Variants in TRUB2 observed in about 807,000 individuals in gnomAD.
The protein encoded by TRUB2 is pseudouridylate synthase TRUB2, mitochondrial.
A neutral mutation model predicts 31.9 loss-of-function variants in TRUB2; 31 were observed. The ratio of observed to expected loss-of-function variants is 0.97; its 90% CI spans 0.73 to 1.31. The LOEUF (loss-of-function observed/expected upper bound fraction) is 1.31, where lower values mean the gene tolerates loss of function less well. Ranked by LOEUF, TRUB2 falls within the 50% of genes most tolerant of loss-of-function variation. TRUB2 has a pLI of 0.00. For synonymous variants in TRUB2, 201 were observed against 182.6 expected (o/e 1.10, Z -0.81); for missense variants, 451 against 439.6 (o/e 1.03, Z -0.23).
intron 5 of TRUB2, among the ~76,000 whole-genome samples, chr9:128,313,109 C>G (rs2131445667): frequency 6.6e-6 from 1 of 152,000 alleles, no homozygotes; most frequent in East Asian, 2.0e-4. Flanking sequence ...CTCAGCTACT[C>G]CGAAGGCTGA....
intron 3 of TRUB2, 29 bp from the exon 4 acceptor site, chr9:128,315,657 C>CCA (rs1269474430): frequency 1.2e-6 from 2 of 1,607,824 alleles, no homozygotes. Flanking sequence ...CATCTCACAC[C>CCA]TGGGACCCCC....
chr9:128,320,821 G>A (rs538644734), intron 2 of TRUB2, among the ~76,000 whole-genome samples: 13 of 150,154 alleles, frequency 8.7e-5, no homozygotes, highest in Middle Eastern at 3.6e-3. Flanking sequence ...ACGGAGTCTC[G>A]CTCTGTTGCC....
Position 128,317,198 on chromosome 9 carries a change from C to A in TRUB2, c.270G>T (p.Lys90Asn). 6.3e-7 allele frequency: 1 copy of A among 1,595,578 alleles called. No individual in the cohort carries two copies. Among genetic ancestry groups the A allele is most frequent in the Non-Finnish European group, 8.6e-7 (1 of 1,169,530 alleles). The change falls in exon 3 of 8, where the codon AAG (lysine) becomes AAT (asparagine). Residue 90 changes from lysine to asparagine, a missense_variant. Lys to Asn is a moderately conservative substitution (Grantham distance 94, BLOSUM62 0). Transcript: ENST00000372890. ...CATCCAACCGATGTCCCACGCCAACCTTGAGATGGGCGAATGCTGGTCCAC... is the reference window on the plus strand; with the variant it reads ...CATCCAACCGATGTCCCACGCCAACATTGAGATGGGCGAATGCTGGTCCAC... ...LVCGPAFAHL[K>N]VGVGHRLDAQ... is the part of the protein sequence containing the mutation.
Position 128,309,625 on chromosome 9 carries a change from G to A in TRUB2, c.921C>T (p.Leu307=), listed in dbSNP as rs1392755515. The A allele has an allele frequency of 1.9e-6, 3 of 1,614,108 alleles. No homozygotes were observed. Among genetic ancestry groups the A allele is most frequent in the Non-Finnish European group, 2.5e-6 (3 of 1,180,008 alleles). Residue 307 remains leucine (L), a synonymous_variant, in exon 8 of 8, where the codon CTC becomes CTT. Transcript: ENST00000372890. The part of the protein sequence containing the change: ...SLSPGLDTKQ[L]PSPGWSWDSQ... ...AGTCCCAGGACCATCCCGGACTGGG[G>A]AGCTGCTTGGTGTCCAGCCCCGGGC...
chr9:128,318,854 T>G (rs1183863110), intron 2 of TRUB2, among the ~76,000 whole-genome samples: 1 of 151,112 alleles, frequency 6.6e-6, no homozygotes, highest in Admixed American at 6.6e-5. Flanking sequence ...GGCCTATGAG[T>G]TAAGAATGGT....
In TRUB2 at chr9:128,315,830, A is replaced by C. The variant is rs1832059414; in HGVS notation, c.317-202T>G. 4 of 582,048 alleles carry C rather than the reference A, an allele frequency of 6.9e-6. No individual in the cohort carries two copies. The South Asian group carries it at 7.7e-5, about 11-fold the overall frequency. The allele number at this position is 582,048 out of a possible 1,614,324, so 36.1% of individuals were successfully genotyped here. On this transcript the variant is annotated intron_variant, in intron 3 of 7. Transcript: ENST00000372890. ...AGATTGCTGGGCCTTACCCATATGC[A>C]CTGAATCTGACTCATGGTTGGAGGG... is the stretch of plus-strand genomic sequence containing the variant.
intron 6 of TRUB2, 89 bp from the exon 7 acceptor site, chr9:128,311,112 T>A (rs1831962122): frequency 6.5e-7 from 1 of 1,544,160 alleles, no homozygotes; most frequent in Admixed American, 1.8e-5. Flanking sequence ...TCACTTGCTT[T>A]GTGTGCCCTG....
Position 128,309,652 on chromosome 9 carries a change from C to G in TRUB2, c.894G>C (p.Leu298Phe). Reference protein sequence around the residue: ...PQVAAELEKSLSPGLDTKQLP... With the variant: ...PQVAAELEKSFSPGLDTKQLP... ...GCTGCTTGGTGTCCAGCCCCGGGCTCAAGCTCTTCTCCAGCTCTGCAGCTA... is the reference window on the plus strand; with the variant it reads ...GCTGCTTGGTGTCCAGCCCCGGGCTGAAGCTCTTCTCCAGCTCTGCAGCTA... The change falls in exon 8 of 8, where the codon TTG becomes TTC. Residue 298 changes from leucine (L) to phenylalanine (F), a missense_variant. By Grantham distance (22) the Leu-to-Phe change is conservative. Coordinates refer to ENST00000372890, the MANE Select transcript of TRUB2 (RefSeq NM_015679.3). 6.2e-7 allele frequency: 1 copy of G among 1,614,214 alleles called. No individual in the cohort carries two copies. The highest frequency in any genetic ancestry group is 8.5e-7 in the Non-Finnish European group (1 of 1,180,044).
In TRUB2 at chr9:128,321,619, G is replaced by A. The variant is rs753559250; in HGVS notation, c.221C>T (p.Ser74Phe). ...ELTLTATSVP[S>F]FINHPLVCGP... ...CTTACCCAGTGGATGGTTGATGAAA[G>A]AGGGTACGCTGGTGGCTGTGAGGGT... The change falls in exon 2 of 8, where the codon TCT becomes TTT. Residue 74 changes from serine (S) to phenylalanine (F), a missense_variant. Transcript: ENST00000372890. 5.6e-6 allele frequency: 9 copies of A among 1,613,966 alleles called. No homozygotes were observed. The South Asian group carries it at 8.8e-5, about 16-fold the overall frequency.
intron 3 of TRUB2, 172 bp from the exon 4 acceptor site, chr9:128,315,800 C>T: frequency 1.5e-6 from 1 of 668,288 alleles, no homozygotes; most frequent in Non-Finnish European, 2.6e-6. Context: ...GTATATATCA[C>T]ATGCAGATTG....
At chr9:128,313,631 C>T (rs1832016336) in intron 5 of TRUB2, among the ~76,000 whole-genome samples, 177 bp downstream of exon 5, 1 of 151,946 alleles carries the variant, frequency 6.6e-6, no homozygotes, top group African/African-American at 2.4e-5. Context: ...TACATTTGAG[C>T]TAGGCAAGCA....
chr9:128,314,010 C>T lies in TRUB2; in HGVS notation c.379-121G>A, dbSNP rs138000560. 1,003 of 772,938 alleles carry T rather than the reference C, an allele frequency of 1.3e-3. 11 individuals are homozygous for T. The East Asian group carries it at 0.022, about 17-fold the overall frequency. 47.9% of individuals were successfully genotyped at this position (772,938 alleles called of 1,614,324 possible). A position where few individuals can be genotyped will look rare whatever the true frequency, so the allele number is the denominator to read the frequency against. Reference sequence around the variant, plus strand: ...CCCTCAGGAAGCTCATGTGCCCAGCCCCTGCCCAGCTGCTCCACAGCCCCA... The same window carrying T: ...CCCTCAGGAAGCTCATGTGCCCAGCTCCTGCCCAGCTGCTCCACAGCCCCA... On this transcript the variant is annotated intron_variant, in intron 4 of 7. Transcript: ENST00000372890.
intron 4 of TRUB2, 48 bp downstream of exon 4, chr9:128,315,519 C>T (rs1444529644): frequency 1.9e-6 from 3 of 1,585,582 alleles, no homozygotes; most frequent in East Asian, 2.3e-5. Flanking sequence ...GCTGGTGACC[C>T]CCAGGAAAGG....
Position 128,310,931 on chromosome 9 carries a change from G to C in TRUB2, c.626C>G (p.Thr209Ser), listed in dbSNP as rs2231637. ...TGCAAAGTAGAGGCATCGGATGCCA[G>C]TTATCAGCATCGGGGACTTGTTCAT... ...RPMNKSPMLI[T>S]GIRCLYFAPP... The change falls in exon 7 of 8, where the codon ACT becomes AGT. Residue 209 changes from threonine to serine, a missense_variant. Physicochemically the swap from Thr to Ser is moderately conservative, Grantham distance 58 (BLOSUM62 1). Transcript: ENST00000372890. 3.1e-4 allele frequency: 508 copies of C among 1,614,238 alleles called. 1 individual carries two copies. The African/African-American group carries it at 6.0e-3, about 19-fold the overall frequency.
Position 128,309,486 on chromosome 9 carries a change from T to C in TRUB2, c.*64A>G. The C allele has an allele frequency of 6.6e-7, 1 of 1,512,318 alleles. No homozygotes were observed. Among genetic ancestry groups the C allele is most frequent in the South Asian group, 1.2e-5 (1 of 80,800 alleles). The allele number at this position is 1,512,318 out of a possible 1,614,324, so 93.7% of individuals were successfully genotyped here. A position where few individuals can be genotyped will look rare whatever the true frequency, so the allele number is the denominator to read the frequency against. ...CCTGCTCTCACTTTCTGCACAGCTA[T>C]CAGGTCCAGCTCATAGCAGTTCTTC... On this transcript the variant is annotated 3_prime_UTR_variant, in exon 8 of 8. Coordinates refer to ENST00000372890, the MANE Select transcript of TRUB2 (RefSeq NM_015679.3).
At chr9:128,312,667 T>G (rs1225682125) in intron 5 of TRUB2, among the ~76,000 whole-genome samples, 1 of 148,998 alleles carries the variant, frequency 6.7e-6, no homozygotes. Context: ...CAGGCTGGAG[T>G]GCAGTGGTGC....
At chr9:128,320,515 A>G (rs1832146451) in intron 2 of TRUB2, among the ~76,000 whole-genome samples, 1 of 151,868 alleles carries the variant, frequency 6.6e-6, no homozygotes, top group South Asian at 2.1e-4. Context: ...TATTTTTAGT[A>G]GAGACGGGGT....
At chr9:128,313,216 CAAAAAAA>C (rs1201864514) in intron 5 of TRUB2, among the ~76,000 whole-genome samples, 1 of 116,096 alleles carries the variant, frequency 8.6e-6, no homozygotes, top group Non-Finnish European at 1.8e-5. Context: ...GACATCGTTT[CAAAAAAA>C]AAAAAAGAAA....
chr9:128,314,480 A>T (rs1832034133), intron 4 of TRUB2, among the ~76,000 whole-genome samples: 1 of 152,150 alleles, frequency 6.6e-6, no homozygotes, highest in Non-Finnish European at 1.5e-5. Flanking sequence ...GCCACAGATA[A>T]GTAATGATTG....
Sources: gnomAD v4.1 joint callset for allele counts (sites outside exome capture counted in the v4.1 genomes callset) on GRCh38, gnomAD v4.1.1 for gene constraint, MANE v1.5 for transcripts, NCBI Gene and HGNC (gene_info 2026-07-23, HGNC 2026-07-21) for gene names.